Variants in MYO5B observed in about 807,000 individuals in gnomAD.
MYO5B encodes the protein unconventional myosin-Vb.
A neutral mutation model predicts 229.3 loss-of-function variants in MYO5B; 143 were observed. The observed-to-expected ratio is 0.62, with a 90% CI of 0.54 to 0.72. MYO5B has a LOEUF of 0.72. Among genes scored for constraint, MYO5B ranks in the 30% least tolerant of loss-of-function variants. The probability of loss-of-function intolerance (pLI) is 0.00; values close to 1 mark genes in which losing one functional copy is unlikely to be tolerated. For synonymous variants in MYO5B, 918 were observed against 885.2 expected (o/e 1.04, Z -0.66); for missense variants, 2,321 against 2,331.0 (o/e 1.00, Z 0.09).
At chr18:50,021,170 C>T (rs1208191493) in intron 4 of MYO5B, among the ~76,000 whole-genome samples, 2 of 152,218 alleles carry the variant, frequency 1.3e-5, no homozygotes, top group East Asian at 1.9e-4. Flanking sequence ...GAGTGTCAAA[C>T]AGGTCGGCTC....
At chr18:50,135,924 CCT>C (rs1217589908) in intron 1 of MYO5B, among the ~76,000 whole-genome samples, 1 of 152,182 alleles carries the variant, frequency 6.6e-6, no homozygotes, top group Non-Finnish European at 1.5e-5. Context: ...CTTTTCATGT[CCT>C]CTCTTTTCAT....
rs71169463 is a variant in MYO5B, at chr18:49,953,894, A to ATGTGTGTGTGTG, written c.1668+407_1668+418dup. On this transcript the variant is annotated intron_variant, in intron 13 of 39. Coordinates refer to ENST00000285039, the MANE Select transcript of MYO5B (RefSeq NM_001080467.3). Reference sequence around the variant, plus strand: ...TGCTTTAGAATTTATATATACATATATGTGTGTGTGTGTGTGTGTGTGTGT... The same window carrying ATGTGTGTGTGTG: ...TGCTTTAGAATTTATATATACATATATGTGTGTGTGTGTGTGTGTGTGTGTGTGTGTGTGTGT... 1.8e-4 allele frequency among the ~76,000 whole-genome samples: 20 copies of ATGTGTGTGTGTG among 108,550 alleles called. 1 individual carries two copies. The highest frequency in any genetic ancestry group is 3.7e-4 in the Non-Finnish European group (17 of 46,414). 71.2% of individuals were successfully genotyped at this position (108,550 alleles called of 152,430 possible).
chr18:50,101,918 T>C (rs774322764), intron 1 of MYO5B, among the ~76,000 whole-genome samples: 4 of 152,176 alleles, frequency 2.6e-5, no homozygotes, highest in African/African-American at 7.2e-5. Context: ...CATTTTACTA[T>C]AAAGACACAC....
At chr18:49,919,625 T>C (rs966949566) in intron 17 of MYO5B, among the ~76,000 whole-genome samples, 1 of 152,144 alleles carries the variant, frequency 6.6e-6, no homozygotes, top group African/African-American at 2.4e-5. Context: ...ACAAGATACC[T>C]CTTCACACCC....
At chr18:49,830,450 A>G (rs1208851372) in intron 39 of MYO5B, among the ~76,000 whole-genome samples, 1 of 152,228 alleles carries the variant, frequency 6.6e-6, no homozygotes, top group Non-Finnish European at 1.5e-5. Context: ...GATTCAGTGC[A>G]ATCCCTATCA....
At chr18:49,872,298 A>C in intron 26 of MYO5B, 66 bp from the exon 27 acceptor site, 1 of 1,537,414 alleles carries the variant, frequency 6.5e-7, no homozygotes, top group Non-Finnish European at 9.0e-7. Flanking sequence ...AGGTGTTTCC[A>C]ACTGTGGTCA....
At chr18:50,021,193 C>T (rs1013501696) in intron 4 of MYO5B, among the ~76,000 whole-genome samples, 7 of 152,166 alleles carry the variant, frequency 4.6e-5, no homozygotes, top group Admixed American at 6.5e-5. Context: ...ACAGGGCCTC[C>T]GAGGAGATCC....
chr18:50,024,858 A>T (rs1050206749), intron 4 of MYO5B, among the ~76,000 whole-genome samples: 9 of 152,210 alleles, frequency 5.9e-5, no homozygotes, highest in Admixed American at 4.6e-4. Flanking sequence ...AAAATCATGG[A>T]GATAGTTAAA....
rs201281611 is a variant in MYO5B at position 49,879,024 on chromosome 18, C to T, written c.3197G>A (p.Arg1066Gln). The T allele has an allele frequency of 1.6e-5, 25 of 1,609,868 alleles. No individual in the cohort carries two copies. The highest frequency in any genetic ancestry group is 2.2e-5 in the East Asian group (1 of 44,552). ...MKKELEEERS[R>Q]YQNLVKEYSQ... ...ATATTCCTTCACAAGGTTCTGGTAC[C>T]GGGATCGCTCCTCCTCCAGTTCTTT... Residue 1066 changes from arginine (R) to glutamine (Q), a missense_variant, in exon 24 of 40, where the codon CGG becomes CAG. Arg to Gln is a conservative substitution (Grantham distance 43, BLOSUM62 1). This residue lies in a region of MYO5B where 2,113 missense variants were observed against 2,044.7 expected (regional missense o/e 1.03). Coordinates refer to ENST00000285039, the MANE Select transcript of MYO5B (RefSeq NM_001080467.3).
At chr18:50,073,443 C>T (rs2144452926) in intron 1 of MYO5B, among the ~76,000 whole-genome samples, 1 of 152,314 alleles carries the variant, frequency 6.6e-6, no homozygotes, top group Middle Eastern at 3.4e-3. Context: ...ACTTGGCTTT[C>T]TTGACCACAC....
intron 4 of MYO5B, among the ~76,000 whole-genome samples, chr18:50,033,579 T>A (rs554402134): frequency 6.6e-6 from 1 of 152,244 alleles, no homozygotes; most frequent in East Asian, 1.9e-4. Context: ...CTGATAATGA[T>A]TTGATGGAGG....
chr18:49,997,267 TAAAAAA>T (rs58927375), intron 5 of MYO5B, among the ~76,000 whole-genome samples: 5 of 101,200 alleles, frequency 4.9e-5, no homozygotes, highest in Admixed American at 1.1e-4. Flanking sequence ...GTCCTGTCTT[TAAAAAA>T]AAAAAAAAAA....
chr18:49,836,431 A>C (rs2023987483), intron 38 of MYO5B, among the ~76,000 whole-genome samples: 1 of 152,218 alleles, frequency 6.6e-6, no homozygotes, highest in Non-Finnish European at 1.5e-5. Flanking sequence ...GTTTTTACCT[A>C]AACTTAACGT....
chr18:50,092,927 T>G (rs1434918721), intron 1 of MYO5B, among the ~76,000 whole-genome samples: 3 of 152,192 alleles, frequency 2.0e-5, no homozygotes, highest in Admixed American at 2.0e-4. Flanking sequence ...CTGACAGATT[T>G]GACAGCATGC....
chr18:50,065,519 C>T (rs567936778), intron 1 of MYO5B, among the ~76,000 whole-genome samples: 2 of 152,268 alleles, frequency 1.3e-5, no homozygotes, highest in African/African-American at 4.8e-5. Context: ...ACTTATACAA[C>T]CATCAGATCT....
At chr18:50,075,809 C>A (rs1030027699) in intron 1 of MYO5B, among the ~76,000 whole-genome samples, 1 of 152,246 alleles carries the variant, frequency 6.6e-6, no homozygotes, top group Non-Finnish European at 1.5e-5. Context: ...GGAGCCAGAA[C>A]CCCAGGACAA....
At chr18:50,096,849 T>C (rs1380456445) in intron 1 of MYO5B, among the ~76,000 whole-genome samples, 1 of 152,228 alleles carries the variant, frequency 6.6e-6, no homozygotes, top group Non-Finnish European at 1.5e-5. Context: ...CACTGGCTTC[T>C]ATGCTGGCTC....
At chr18:50,070,941 C>T (rs1278279240) in intron 1 of MYO5B, among the ~76,000 whole-genome samples, 1 of 152,186 alleles carries the variant, frequency 6.6e-6, no homozygotes, top group African/African-American at 2.4e-5. Flanking sequence ...TGGCCTCAGC[C>T]TCCTGGGTAG....
intron 1 of MYO5B, among the ~76,000 whole-genome samples, chr18:50,113,838 T>G (rs1217958208): frequency 6.6e-6 from 1 of 152,212 alleles, no homozygotes; most frequent in Non-Finnish European, 1.5e-5. Flanking sequence ...CAAATGCTAT[T>G]TTAAAGTACA....
Sources: gnomAD v4.1 joint callset for allele counts (sites outside exome capture counted in the v4.1 genomes callset) on GRCh38, gnomAD v4.1.1 for gene constraint, gnomAD v4.1.1 regional missense constraint, MANE v1.5 for transcripts, NCBI Gene and HGNC (gene_info 2026-07-23, HGNC 2026-07-21) for gene names.